COP1: variants seen among roughly 807,000 people sequenced by gnomAD.
COP1 encodes E3 ubiquitin-protein ligase COP1.
In COP1, 24 loss-of-function variants were observed where a neutral mutation model predicts 101.3. The observed-to-expected ratio is 0.24, with a 90% CI of 0.17 to 0.33. The LOEUF (loss-of-function observed/expected upper bound fraction) is 0.33. Ranked by LOEUF, COP1 falls within the 10% of genes least tolerant of loss-of-function variation. The probability of loss-of-function intolerance (pLI) is 1.00; values close to 1 mark genes in which losing one functional copy is unlikely to be tolerated. For missense variants in COP1, 663 were observed against 906.2 expected, an observed-to-expected ratio of 0.73 and a Z score of 3.45; for synonymous variants, 347 against 341.9, an observed-to-expected ratio of 1.01 and a Z score of -0.17.
chr1:175,974,084 T>C (rs1268634113), intron 18 of COP1, among the ~76,000 whole-genome samples: 1 of 152,254 alleles, frequency 6.6e-6, no homozygotes, highest in East Asian at 1.9e-4. Context: ...GGGGAAACAC[T>C]AACAGATTTT....
At chr1:176,041,098 C>T (rs1357519498) in intron 14 of COP1, among the ~76,000 whole-genome samples, 2 of 151,982 alleles carry the variant, frequency 1.3e-5, no homozygotes, top group African/African-American at 2.4e-5. Flanking sequence ...TGATGAACTT[C>T]GTTAAGAGAT....
intron 9 of COP1, 126 bp downstream of exon 9, chr1:176,116,498 A>G: frequency 1.5e-6 from 1 of 688,628 alleles, no homozygotes; most frequent in Non-Finnish European, 2.5e-6. Flanking sequence ...TTCAAGTGCT[A>G]ATCAACACCA....
chr1:176,081,293 T>TGAA lies in COP1; in HGVS notation c.1142-9_1142-7dup. 1.3e-6 allele frequency: 2 copies of TGAA among 1,487,290 alleles called. No homozygotes were observed. The highest frequency in any genetic ancestry group is 1.8e-6 in the Non-Finnish European group (2 of 1,122,514). The allele number at this position is 1,487,290 out of a possible 1,614,324, so 92.1% of individuals were successfully genotyped here. A position where few individuals can be genotyped will look rare whatever the true frequency, so the allele number is the denominator to read the frequency against. On this transcript the variant is annotated splice_region_variant and splice_polypyrimidine_tract_variant and intron_variant, in intron 10 of 19. Coordinates refer to ENST00000367669, the MANE Select transcript of COP1 (RefSeq NM_022457.7). Reference sequence around the variant, plus strand: ...GCTTGCAGTTCGACTGTCATCTATATGAAAAAAAAAAAAAAAAGACAAAAC... The same window carrying TGAA: ...GCTTGCAGTTCGACTGTCATCTATATGAAGAAAAAAAAAAAAAAAAGACAAAAC...
intron 9 of COP1, among the ~76,000 whole-genome samples, chr1:176,104,733 G>T (rs1684019666): frequency 6.6e-6 from 1 of 152,070 alleles, no homozygotes; most frequent in African/African-American, 2.4e-5. Flanking sequence ...CTTTTGGAGG[G>T]TGGTTTATTT....
intron 9 of COP1, among the ~76,000 whole-genome samples, chr1:176,099,634 T>C (rs575019525): frequency 6.6e-6 from 1 of 152,184 alleles, no homozygotes; most frequent in South Asian, 2.1e-4. Flanking sequence ...ATCCATTTTC[T>C]TTTGCAACTG....
At chr1:175,981,915 TTAAA>T (rs2148686865) in intron 18 of COP1, among the ~76,000 whole-genome samples, 2 of 152,088 alleles carry the variant, frequency 1.3e-5, no homozygotes, top group South Asian at 4.1e-4. Context: ...TCAGGGAAGT[TTAAA>T]TTAAAACCAC....
intron 12 of COP1, among the ~76,000 whole-genome samples, chr1:176,044,146 A>C (rs1671096970): frequency 6.6e-6 from 1 of 152,212 alleles, no homozygotes; most frequent in African/African-American, 2.4e-5. Flanking sequence ...CAGAGGGCTC[A>C]AGGCATACCA....
chr1:176,204,047 A>G (rs1019566729), intron 1 of COP1, among the ~76,000 whole-genome samples: 1 of 152,188 alleles, frequency 6.6e-6, no homozygotes, highest in African/African-American at 2.4e-5. Flanking sequence ...CTTCTCCTCC[A>G]ATCTGTGCCG....
At chr1:176,115,241 G>T (rs1024048271) in intron 9 of COP1, among the ~76,000 whole-genome samples, 6 of 152,114 alleles carry the variant, frequency 3.9e-5, no homozygotes, top group Non-Finnish European at 8.8e-5. Context: ...CTGAGATCAG[G>T]AGTTTGAGAC....
intron 8 of COP1, among the ~76,000 whole-genome samples, chr1:176,120,475 G>A (rs935219637): frequency 1.3e-5 from 2 of 151,570 alleles, no homozygotes; most frequent in Non-Finnish European, 2.9e-5. Context: ...AAACGTCAAG[G>A]GAAAAAAATT....
intron 2 of COP1, among the ~76,000 whole-genome samples, chr1:176,184,300 C>T (rs529450603): frequency 7.9e-5 from 12 of 152,208 alleles, no homozygotes; most frequent in African/African-American, 2.6e-4. Context: ...CCAACCTATC[C>T]CCACAAGTGA....
rs577918669 is a variant in COP1 at position 176,006,887 on chromosome 1, C to T, written c.1730-17408G>A. Among the ~76,000 whole-genome samples the T allele has an allele frequency of 1.3e-4, 19 of 151,670 alleles. No homozygotes were observed. In the East Asian group the frequency reaches 3.1e-3, roughly 25 times the overall value. On this transcript the variant is annotated intron_variant, in intron 15 of 19. Transcript: ENST00000367669. ...GTTCTCTGTATTTCCTGAATCTGAA[C>T]GTTGGCCTGCCTTGCTAGATTGGGG... is the stretch of plus-strand genomic sequence containing the variant.
chr1:175,982,543 T>C (rs991860629), intron 18 of COP1, among the ~76,000 whole-genome samples: 1 of 152,244 alleles, frequency 6.6e-6, no homozygotes, highest in Non-Finnish European at 1.5e-5. Context: ...TATTTTCTTT[T>C]GTCTAGCTTA....
In COP1 at chr1:176,067,797, A is replaced by G. The variant is rs539113385; in HGVS notation, c.1277+13355T>C. Among the ~76,000 whole-genome samples the G allele has an allele frequency of 3.9e-5, 6 of 152,276 alleles. No individual in the cohort carries two copies. The South Asian group carries it at 1.2e-3, about 32-fold the overall frequency. On this transcript the variant is annotated intron_variant, in intron 11 of 19. Transcript: ENST00000367669. ...ACACAAGCCACCTACAGATGGCAAA[A>G]CCAAAACAGCATTCTATAACACATG...
chr1:176,091,636 T>C (rs1316025913), intron 9 of COP1, among the ~76,000 whole-genome samples: 2 of 152,114 alleles, frequency 1.3e-5, no homozygotes, highest in Non-Finnish European at 2.9e-5. Context: ...GATACTCTGC[T>C]TAGATGATAA....
chr1:176,159,286 G>T (rs1191827358), intron 5 of COP1, among the ~76,000 whole-genome samples: 1 of 152,044 alleles, frequency 6.6e-6, no homozygotes, highest in Non-Finnish European at 1.5e-5. Flanking sequence ...GAAAACAAGG[G>T]TGGCCAAATG....
At chr1:176,156,583 T>A (rs1034729875) in intron 5 of COP1, among the ~76,000 whole-genome samples, 1 of 152,050 alleles carries the variant, frequency 6.6e-6, no homozygotes, top group African/African-American at 2.4e-5. Flanking sequence ...ATGACAGAAC[T>A]AAAGTACAAG....
intron 9 of COP1, among the ~76,000 whole-genome samples, chr1:176,115,636 C>T (rs939357833): frequency 1.3e-5 from 2 of 151,746 alleles, no homozygotes; most frequent in Non-Finnish European, 2.9e-5. Context: ...GTAGTCCCGA[C>T]TACTTGGGAG....
chr1:176,151,203 AG>A (rs1692377732), intron 5 of COP1, among the ~76,000 whole-genome samples: 1 of 151,738 alleles, frequency 6.6e-6, no homozygotes, highest in East Asian at 1.9e-4. Context: ...TTTTCGGATA[AG>A]GAAGCGTGTA....
Sources: gnomAD v4.1 joint callset for allele counts (sites outside exome capture counted in the v4.1 genomes callset) on GRCh38, gnomAD v4.1.1 for gene constraint, MANE v1.5 for transcripts, NCBI Gene and HGNC (gene_info 2026-07-23, HGNC 2026-07-21) for gene names.